Variants in XRN1 observed in about 807,000 individuals in gnomAD.
The protein encoded by XRN1 is 5'-3' exoribonuclease 1.
In XRN1, 67 loss-of-function variants were observed where a neutral mutation model predicts 222.3. The ratio of observed to expected loss-of-function variants is 0.30; its 90% CI spans 0.25 to 0.37. The LOEUF (loss-of-function observed/expected upper bound fraction) is 0.37. Ranked by LOEUF, XRN1 falls within the 10% of genes least tolerant of loss-of-function variation. The pLI is 1.00. For missense variants in XRN1, 1,707 were observed against 2,000.2 expected (o/e 0.85, Z 2.80); for synonymous variants, 643 against 652.4 (o/e 0.99, Z 0.22).
intron 18 of XRN1, among the ~76,000 whole-genome samples, chr3:142,400,901 A>G (rs2068104479): frequency 6.6e-6 from 1 of 152,200 alleles, no homozygotes; most frequent in Admixed American, 6.5e-5. Flanking sequence ...TAGGCAACAG[A>G]GCAAGACTCC....
In XRN1 at chr3:142,418,525, A is replaced by G; in HGVS notation, c.1325T>C (p.Met442Thr). The part of the protein sequence containing the change: ...QYKRTYYMTK[M>T]GVDVVSDDFL... ...GTACTCAGATACTACGTCAACCCCCATCTTCGTCATGTAATATGTTCTTTT... is the reference window on the plus strand; with the variant it reads ...GTACTCAGATACTACGTCAACCCCCGTCTTCGTCATGTAATATGTTCTTTT... The change falls in exon 12 of 41, where the codon ATG becomes ACG. Residue 442 changes from methionine (M) to threonine (T), a missense_variant. Physicochemically the swap from Met to Thr is moderately conservative, Grantham distance 81 (BLOSUM62 -1). This residue lies in a region of XRN1 where 1,234 missense variants were observed against 1,518.2 expected (regional missense o/e 0.81). Coordinates refer to ENST00000392981, the MANE Select transcript of XRN1 (RefSeq NM_001282857.2). 1 of 1,611,514 alleles carries G rather than the reference A, an allele frequency of 6.2e-7. No homozygotes were observed. Among genetic ancestry groups the G allele is most frequent in the Non-Finnish European group, 8.5e-7 (1 of 1,179,060 alleles).
intron 2 of XRN1, among the ~76,000 whole-genome samples, chr3:142,431,869 ATTATAT>A (rs1481664967): frequency 1.4e-5 from 1 of 71,316 alleles, no homozygotes; most frequent in African/African-American, 8.0e-5. Context: ...TATATAATAT[ATTATAT>A]TATATATATT....
intron 14 of XRN1, among the ~76,000 whole-genome samples, chr3:142,413,007 T>C (rs2068645964): frequency 6.6e-6 from 1 of 152,204 alleles, no homozygotes; most frequent in South Asian, 2.1e-4. Flanking sequence ...TTTCAGTTCA[T>C]CTAAAAGGCA....
At chr3:142,412,406 T>TA (rs756998872) in intron 15 of XRN1, 138 bp downstream of exon 15, 151 of 1,240,274 alleles carry the variant, frequency 1.2e-4, no homozygotes, top group Non-Finnish European at 1.5e-4. Context: ...TGGAAGTTTT[T>TA]ATGCACATAA....
intron 39 of XRN1, among the ~76,000 whole-genome samples, chr3:142,317,183 C>A (rs752114552): frequency 1.1e-4 from 17 of 152,152 alleles, no homozygotes; most frequent in Admixed American, 3.3e-4. Flanking sequence ...TGTCTTTATT[C>A]ATTGTGCTCA....
Position 142,371,502 on chromosome 3 carries a change from G to C in XRN1, c.2979-174C>G, listed in dbSNP as rs150433915. Among the ~76,000 whole-genome samples the C allele has an allele frequency of 1.9e-3, 282 of 152,194 alleles. 1 individual carries two copies. Among genetic ancestry groups the C allele is most frequent in the African/African-American group, 6.5e-3 (271 of 41,508 alleles). On this transcript the variant is annotated intron_variant, in intron 25 of 40. Coordinates refer to ENST00000392981, the MANE Select transcript of XRN1 (RefSeq NM_001282857.2). The stretch of plus-strand genomic sequence containing the variant: ...GAAAGTGTAAGACTGGTAAGTCAGA[G>C]TACTCCTAGACCCTCAAAAAACTCC...
chr3:142,334,799 CACAA>C lies in XRN1; in HGVS notation c.3939+645_3939+648del, dbSNP rs549269378. 9.2e-3 allele frequency among the ~76,000 whole-genome samples: 1,364 copies of C among 148,716 alleles called. 22 individuals carry two copies. The highest frequency in any genetic ancestry group is 0.031 in the African/African-American group (1,239 of 40,314). On this transcript the variant is annotated intron_variant, in intron 34 of 40. Coordinates refer to ENST00000392981, the MANE Select transcript of XRN1 (RefSeq NM_001282857.2). ...ACACACACACACACACACACACACA[CACAA>C]AAGACCATATATATTGGGAGCAACT... is the stretch of plus-strand genomic sequence containing the variant.
At position 142,311,708 on chromosome 3, in the gene XRN1, C is replaced by T. The variant is rs746412549; in HGVS notation, c.4888G>A (p.Val1630Ile). Residue 1630 changes from valine (V) to isoleucine (I), a missense_variant, in exon 41 of 41, where the codon GTC becomes ATC. Coordinates refer to ENST00000392981, the MANE Select transcript of XRN1 (RefSeq NM_001282857.2). ...GAGCTCTCCCGTGGACTTACTTTGA[C>T]AATGTTGGAAGAATCTGGCTGGCTA... is the stretch of plus-strand genomic sequence containing the variant. ...QTSQPDSSNI[V>I]KVSPRESSSA... 3.7e-6 allele frequency: 6 copies of T among 1,614,146 alleles called. No homozygotes were observed. The highest frequency in any genetic ancestry group is 3.3e-5 in the Admixed American group (2 of 60,018).
intron 39 of XRN1, among the ~76,000 whole-genome samples, chr3:142,317,923 A>G (rs2065251753): frequency 1.7e-5 from 1 of 59,920 alleles, no homozygotes. Flanking sequence ...TAATCTGCTG[A>G]TATTTCTTCT....
intron 40 of XRN1, 21 bp from the exon 41 acceptor site, chr3:142,311,834 A>C: frequency 1.9e-6 from 3 of 1,541,904 alleles, no homozygotes; most frequent in Non-Finnish European, 2.6e-6. Context: ...TAAAAGCATC[A>C]CTAATTAATA....
intron 34 of XRN1, 45 bp from the exon 35 acceptor site, chr3:142,333,134 A>C: frequency 6.4e-7 from 1 of 1,571,396 alleles, no homozygotes; most frequent in Non-Finnish European, 8.6e-7. Flanking sequence ...CGTATAATAC[A>C]AGAACACACA....
At chr3:142,421,275 A>G (rs1308779896) in intron 9 of XRN1, 122 bp from the exon 10 acceptor site, 1 of 1,043,246 alleles carries the variant, frequency 9.6e-7, no homozygotes, top group Non-Finnish European at 1.3e-6. Context: ...ACTCTTTTAT[A>G]TATATGGGAG....
chr3:142,376,918 T>C (rs971931107), intron 23 of XRN1, among the ~76,000 whole-genome samples: 8 of 152,140 alleles, frequency 5.3e-5, no homozygotes, highest in Admixed American at 2.6e-4. Context: ...GCAAGTTTTT[T>C]GTTTGTTTTT....
chr3:142,431,896 T>TA (rs1292941644), intron 2 of XRN1, among the ~76,000 whole-genome samples: 8,724 of 46,422 alleles, frequency 0.19, 1,081 homozygotes, highest in African/African-American at 0.33. Context: ...ATATATAATA[T>TA]ATATATTATA....
intron 18 of XRN1, 139 bp from the exon 19 acceptor site, chr3:142,400,686 C>T (rs1416845301): frequency 1.2e-5 from 7 of 570,574 alleles, no homozygotes; most frequent in Non-Finnish European, 2.2e-5. Context: ...TGACTCACAC[C>T]TGTAATCCCA....
At chr3:142,446,771 T>A (rs2070521615) in intron 1 of XRN1, among the ~76,000 whole-genome samples, 1 of 152,190 alleles carries the variant, frequency 6.6e-6, no homozygotes, top group South Asian at 2.1e-4. Flanking sequence ...ACTCAATCTA[T>A]GTTTCAAATA....
chr3:142,356,853 T>C, intron 31 of XRN1, 59 bp downstream of exon 31: 1 of 1,527,860 alleles, frequency 6.5e-7, no homozygotes, highest in East Asian at 2.3e-5. Flanking sequence ...TTACAAAGTC[T>C]GCTGTGATTT....
At position 142,448,024 on chromosome 3, in the gene XRN1, G is replaced by C; in HGVS notation, c.-80C>G. ...CGGGGCTCCGCCGCAGCCTCCGGTC[G>C]TCGCTCCGCGGATGACAACACACCG... is the stretch of plus-strand genomic sequence containing the variant. On this transcript the variant is annotated 5_prime_UTR_variant, in exon 1 of 41. Transcript: ENST00000392981. The C allele has an allele frequency of 1.4e-6, 2 of 1,466,224 alleles. No homozygotes were observed. Among genetic ancestry groups the C allele is most frequent in the East Asian group, 2.3e-5 (1 of 43,748 alleles). 90.8% of individuals were successfully genotyped at this position (1,466,224 alleles called of 1,614,324 possible).
At position 142,415,016 on chromosome 3, in the gene XRN1, G is replaced by A. The variant is rs112393572; in HGVS notation, c.1437-725C>T. ...AGCAAGAGACTAAAAACAGTTGAAC[G>A]TTCTGGTAAAAGCTCACAAGGAGAG... On this transcript the variant is annotated intron_variant, in intron 13 of 40. Coordinates refer to ENST00000392981, the MANE Select transcript of XRN1 (RefSeq NM_001282857.2). Among the ~76,000 whole-genome samples, 4 of 152,234 alleles carry A rather than the reference G, an allele frequency of 2.6e-5. 1 individual carries two copies. The highest frequency in any genetic ancestry group is 7.2e-5 in the African/African-American group (3 of 41,552).
Sources: gnomAD v4.1 joint callset for allele counts (sites outside exome capture counted in the v4.1 genomes callset) on GRCh38, gnomAD v4.1.1 for gene constraint, gnomAD v4.1.1 regional missense constraint, MANE v1.5 for transcripts, NCBI Gene and HGNC (gene_info 2026-07-23, HGNC 2026-07-21) for gene names.